The following ZFAND3 variants were observed in gnomAD, a reference collection of about 807,000 sequenced individuals.
The protein encoded by ZFAND3 is zinc finger AN1-type containing 3.
Under a neutral mutation model 29.6 loss-of-function variants are expected in ZFAND3, and 10 were observed. That is an observed-to-expected ratio of 0.34 (90% CI 0.21 to 0.57). The LOEUF is 0.57. Among genes scored for constraint, ZFAND3 ranks in the 20% least tolerant of loss-of-function variants. ZFAND3 has a pLI of 0.86. For missense variants in ZFAND3, 230 were observed against 304.5 expected (o/e 0.76, Z 1.82); for synonymous variants, 128 against 112.6 (o/e 1.14, Z -0.87).
chr6:38,014,264 TA>T (rs1763213968), intron 2 of ZFAND3, among the ~76,000 whole-genome samples: 1 of 152,026 alleles, frequency 6.6e-6, no homozygotes, highest in Non-Finnish European at 1.5e-5. Flanking sequence ...TTAACACAGA[TA>T]AATCACTAAT....
chr6:38,054,767 A>G (rs776479390), intron 2 of ZFAND3, among the ~76,000 whole-genome samples: 54 of 152,240 alleles, frequency 3.5e-4, no homozygotes, highest in Non-Finnish European at 6.6e-4. Context: ...AACCAAGTCC[A>G]TAAGTGCATT....
chr6:37,974,493 T>A (rs1762447218), intron 2 of ZFAND3, among the ~76,000 whole-genome samples: 1 of 150,814 alleles, frequency 6.6e-6, no homozygotes, highest in African/African-American at 2.4e-5. Context: ...CAGCCTCAAC[T>A]TTCTAGATTC....
At chr6:38,090,775 A>G (rs966948785) in intron 4 of ZFAND3, among the ~76,000 whole-genome samples, 2 of 152,232 alleles carry the variant, frequency 1.3e-5, no homozygotes, top group African/African-American at 4.8e-5. Flanking sequence ...GGAGTGAGGT[A>G]AAATATACTA....
chr6:37,894,119 G>T (rs1436058943), intron 1 of ZFAND3, among the ~76,000 whole-genome samples: 1 of 151,988 alleles, frequency 6.6e-6, no homozygotes, highest in Non-Finnish European at 1.5e-5. Context: ...GCTGGGCGTG[G>T]TGGCTGGTGC....
In ZFAND3 at chr6:38,153,289, GC is replaced by G. The variant is rs1766273866; in HGVS notation, c.*902del. On this transcript the variant is annotated 3_prime_UTR_variant, in exon 6 of 6. Coordinates refer to ENST00000287218, the MANE Select transcript of ZFAND3 (RefSeq NM_021943.3). ...GAGTTTTTTAAAAAGACATTTCATAGCCAACAAGAATCAGTAGAAGTGCTGG... is the reference window on the plus strand; with the variant it reads ...GAGTTTTTTAAAAAGACATTTCATAGCAACAAGAATCAGTAGAAGTGCTGG... 3.0e-6 allele frequency: 3 copies of G among 985,512 alleles called. No individual in the cohort carries two copies. In the South Asian group the frequency reaches 1.4e-4, roughly 46 times the overall value. 61.0% of individuals were successfully genotyped at this position (985,512 alleles called of 1,614,324 possible). A position where few individuals can be genotyped will look rare whatever the true frequency, so the allele number is the denominator to read the frequency against.
At chr6:37,852,771 A>G (rs1323507964) in intron 1 of ZFAND3, among the ~76,000 whole-genome samples, 1 of 149,596 alleles carries the variant, frequency 6.7e-6, no homozygotes, top group Admixed American at 6.7e-5. Flanking sequence ...GCTGCAGTGC[A>G]GTGGCATGAT....
At chr6:38,015,344 ATG>A (rs1201577888) in intron 2 of ZFAND3, among the ~76,000 whole-genome samples, 1 of 152,206 alleles carries the variant, frequency 6.6e-6, no homozygotes, top group Non-Finnish European at 1.5e-5. Flanking sequence ...GTTAATGAGG[ATG>A]TGTGGGCTCT....
chr6:37,822,905 G>T (rs896093868), intron 1 of ZFAND3, among the ~76,000 whole-genome samples: 2 of 152,140 alleles, frequency 1.3e-5, no homozygotes, highest in African/African-American at 4.8e-5. Flanking sequence ...TTGGTAGATT[G>T]TGAAGGGTGA....
intron 2 of ZFAND3, among the ~76,000 whole-genome samples, chr6:37,991,316 AT>A (rs1007614431): frequency 1.3e-5 from 2 of 151,190 alleles, no homozygotes; most frequent in African/African-American, 4.9e-5. Flanking sequence ...ATTTAATTTA[AT>A]TTTTTTCATT....
intron 1 of ZFAND3, among the ~76,000 whole-genome samples, chr6:37,896,551 T>TTTCTTTCTTTCC (rs1561925917): frequency 3.0e-5 from 4 of 131,288 alleles, no homozygotes; most frequent in Non-Finnish European, 6.3e-5. Flanking sequence ...TCTTTCTTTC[T>TTTCTTTCTTTCC]TTCTTTCTTT....
chr6:38,030,102 A>ATATG (rs1763530035), intron 2 of ZFAND3, among the ~76,000 whole-genome samples: 1 of 97,312 alleles, frequency 1.0e-5, no homozygotes, highest in Non-Finnish European at 2.1e-5. Context: ...ATATATATAT[A>ATATG]GCCTGAGAAG....
intron 1 of ZFAND3, among the ~76,000 whole-genome samples, chr6:37,876,788 A>C (rs1028357729): frequency 6.6e-6 from 1 of 152,128 alleles, no homozygotes; most frequent in Non-Finnish European, 1.5e-5. Flanking sequence ...TATAACCATG[A>C]CCCTTTTGGC....
At position 37,819,857 on chromosome 6, in the gene ZFAND3, G is replaced by T; in HGVS notation, c.-89G>T. The T allele has an allele frequency of 6.2e-6, 3 of 480,078 alleles. No homozygotes were observed. Among genetic ancestry groups the T allele is most frequent in the Non-Finnish European group, 5.9e-6 (2 of 337,480 alleles). 29.7% of individuals were successfully genotyped at this position (480,078 alleles called of 1,614,324 possible). On this transcript the variant is annotated 5_prime_UTR_variant, in exon 1 of 6. Transcript: ENST00000287218. ...CCCCTCCCCCCGCCCCGAGCCCCCC[G>T]ACGCCGCCGCCACCGCCTCCTCAGA...
intron 5 of ZFAND3, among the ~76,000 whole-genome samples, chr6:38,146,444 C>G (rs1766109801): frequency 6.6e-6 from 1 of 152,224 alleles, no homozygotes; most frequent in South Asian, 2.1e-4. Flanking sequence ...TTTTCCCTCC[C>G]TTTGAAATCG....
At chr6:37,954,925 C>G (rs1762059193) in intron 2 of ZFAND3, among the ~76,000 whole-genome samples, 1 of 152,232 alleles carries the variant, frequency 6.6e-6, no homozygotes, top group South Asian at 2.1e-4. Flanking sequence ...GGCACATTCC[C>G]TGGCCTTGTG....
intron 5 of ZFAND3, among the ~76,000 whole-genome samples, chr6:38,137,094 G>A (rs1030919959): frequency 4.6e-5 from 7 of 152,234 alleles, no homozygotes; most frequent in Non-Finnish European, 7.3e-5. Context: ...TACTCCGCTT[G>A]TTTGTAATTA....
chr6:37,910,320 TC>T (rs1359811359), intron 1 of ZFAND3, among the ~76,000 whole-genome samples: 7 of 151,522 alleles, frequency 4.6e-5, no homozygotes, highest in African/African-American at 1.5e-4. Flanking sequence ...ACTCATTTAA[TC>T]CTGTTGGTAA....
intron 4 of ZFAND3, among the ~76,000 whole-genome samples, chr6:38,107,549 C>A (rs1765232904): frequency 6.6e-6 from 1 of 152,136 alleles, no homozygotes. Context: ...TATTCCCTTC[C>A]TGCCAGGCAC....
chr6:38,052,881 C>G (rs1286045663), intron 2 of ZFAND3, among the ~76,000 whole-genome samples: 1 of 151,632 alleles, frequency 6.6e-6, no homozygotes, highest in African/African-American at 2.4e-5. Flanking sequence ...CTACTAAAAA[C>G]ACAAAACTTA....
Sources: allele counts gnomAD v4.1 joint callset (sites outside exome capture counted in the v4.1 genomes callset), GRCh38; gene constraint gnomAD v4.1.1; transcripts MANE v1.5; gene names NCBI Gene and HGNC (gene_info 2026-07-23, HGNC 2026-07-21).